Variants in CAMTA1 observed in about 807,000 individuals in gnomAD.
The protein encoded by CAMTA1 is calmodulin binding transcription activator 1.
A neutral mutation model predicts 170.9 loss-of-function variants in CAMTA1; 27 were observed. The ratio of observed to expected loss-of-function variants is 0.16; its 90% CI spans 0.12 to 0.22. CAMTA1 has a LOEUF of 0.22. Among genes scored for constraint, CAMTA1 ranks in the 10% least tolerant of loss-of-function variants. The pLI is 1.00. For missense variants in CAMTA1, 1,619 were observed against 2,217.2 expected (o/e 0.73, Z 5.42); for synonymous variants, 833 against 891.5 (o/e 0.93, Z 1.17).
chr1:7,164,074 C>T (rs538723480), intron 4 of CAMTA1, among the ~76,000 whole-genome samples: 3 of 152,302 alleles, frequency 2.0e-5, no homozygotes, highest in Non-Finnish European at 4.4e-5. Flanking sequence ...GCCAGGATAG[C>T]AGTTAGCTGA....
Position 7,602,011 on chromosome 1 carries a change from AGAGGGAGAG to A in CAMTA1, c.511-38369_511-38361del, listed in dbSNP as rs1203360287. ...CGTGGGGAGAGGGAGAGGGAGAGGG[AGAGGGAGAG>A]GAGGGAGAGGAGGGAGAGGGAGAGG... is the stretch of plus-strand genomic sequence containing the variant. On this transcript the variant is annotated intron_variant, in intron 6 of 22. Transcript: ENST00000303635. Among the ~76,000 whole-genome samples, 171 of 124,416 alleles carry A rather than the reference AGAGGGAGAG, an allele frequency of 1.4e-3. 3 individuals are homozygous for A. The highest frequency in any genetic ancestry group is 4.7e-3 in the African/African-American group (133 of 28,366). The allele number at this position is 124,416 out of a possible 152,430, so 81.6% of individuals were successfully genotyped here.
chr1:6,842,394 G>T (rs571260848), intron 3 of CAMTA1, among the ~76,000 whole-genome samples: 1 of 152,196 alleles, frequency 6.6e-6, no homozygotes, highest in African/African-American at 2.4e-5. Context: ...TGGGTGGTTC[G>T]CAGCCCTGCT....
intron 3 of CAMTA1, among the ~76,000 whole-genome samples, chr1:6,920,833 A>G (rs1681843632): frequency 6.6e-6 from 1 of 152,180 alleles, no homozygotes; most frequent in Non-Finnish European, 1.5e-5. Flanking sequence ...ACTGGGACAT[A>G]GGGCACCAAG....
At chr1:6,847,481 A>T (rs1449523689) in intron 3 of CAMTA1, among the ~76,000 whole-genome samples, 2 of 151,968 alleles carry the variant, frequency 1.3e-5, no homozygotes, top group Admixed American at 1.3e-4. Context: ...TGGATGAGTT[A>T]AGGTTAGAGA....
intron 5 of CAMTA1, among the ~76,000 whole-genome samples, chr1:7,452,613 A>G (rs867256101): frequency 6.6e-6 from 1 of 152,182 alleles, no homozygotes. Context: ...TAGGAATGGA[A>G]TCATACAATG....
At chr1:7,380,606 T>C (rs2087220726) in intron 5 of CAMTA1, among the ~76,000 whole-genome samples, 1 of 152,138 alleles carries the variant, frequency 6.6e-6, no homozygotes, top group African/African-American at 2.4e-5. Flanking sequence ...GGTTGCCCAG[T>C]TGGATCAGAT....
intron 3 of CAMTA1, among the ~76,000 whole-genome samples, chr1:6,953,220 C>T (rs977889673): frequency 2.6e-5 from 4 of 152,140 alleles, no homozygotes; most frequent in Admixed American, 6.5e-5. Context: ...AGATTCCATT[C>T]GTGGAGCCGA....
At chr1:7,749,880 A>G (rs1350422978) in intron 19 of CAMTA1, 2 of 451,672 alleles carry the variant, frequency 4.4e-6, no homozygotes, top group Non-Finnish European at 8.9e-6. Flanking sequence ...GGCCATTAAG[A>G]TGGCACAGTC....
intron 4 of CAMTA1, among the ~76,000 whole-genome samples, chr1:7,094,776 G>A (rs925701515): frequency 1.3e-5 from 2 of 152,166 alleles, no homozygotes; most frequent in Non-Finnish European, 2.9e-5. Flanking sequence ...CGTTCAAACA[G>A]CCCGTATTGT....
chr1:7,457,357 C>T (rs1044564267), intron 5 of CAMTA1, among the ~76,000 whole-genome samples: 10 of 151,984 alleles, frequency 6.6e-5, no homozygotes, highest in African/African-American at 1.5e-4. Flanking sequence ...GTTAGGCCGG[C>T]GGCCGCTTTA....
chr1:7,125,308 A>C (rs1419655479), intron 4 of CAMTA1, among the ~76,000 whole-genome samples: 1 of 151,256 alleles, frequency 6.6e-6, no homozygotes, highest in East Asian at 1.9e-4. Context: ...TCATTCACTC[A>C]CTCCCTCATT....
At chr1:7,001,568 T>G (rs996637835) in intron 3 of CAMTA1, among the ~76,000 whole-genome samples, 2 of 152,224 alleles carry the variant, frequency 1.3e-5, no homozygotes, top group African/African-American at 4.8e-5. Context: ...CATGAGGGCG[T>G]TTCTGATATT....
intron 4 of CAMTA1, among the ~76,000 whole-genome samples, chr1:7,169,431 T>A (rs1388773624): frequency 2.6e-5 from 4 of 152,240 alleles, no homozygotes; most frequent in Admixed American, 1.3e-4. Context: ...CTTTTTTGTG[T>A]GTTTACAAGA....
intron 4 of CAMTA1, among the ~76,000 whole-genome samples, chr1:7,094,095 A>G (rs1641789535): frequency 6.6e-6 from 1 of 152,186 alleles, no homozygotes; most frequent in East Asian, 1.9e-4. Context: ...GGAAGGACGA[A>G]TTTCTTTCCT....
At chr1:7,657,578 G>T (rs1427186032) in intron 7 of CAMTA1, among the ~76,000 whole-genome samples, 1 of 152,178 alleles carries the variant, frequency 6.6e-6, no homozygotes, top group East Asian at 1.9e-4. Flanking sequence ...AGGGGCCGAG[G>T]GGGCGGCCGG....
intron 11 of CAMTA1, among the ~76,000 whole-genome samples, chr1:7,727,011 G>T (rs1351353245): frequency 6.6e-6 from 1 of 152,136 alleles, no homozygotes; most frequent in African/African-American, 2.4e-5. Flanking sequence ...AGCCCTCAAA[G>T]CTCACCCTGT....
chr1:7,736,562 C>T lies in CAMTA1; in HGVS notation c.3263+22C>T, dbSNP rs2096773877. 1 of 1,610,592 alleles carries T rather than the reference C, an allele frequency of 6.2e-7. No individual in the cohort carries two copies. The highest frequency in any genetic ancestry group is 8.5e-7 in the Non-Finnish European group (1 of 1,177,148). The stretch of plus-strand genomic sequence containing the variant: ...GGCGGTAAGGCTGTGGTGCAGCTGG[C>T]TGGGGGTCAGCCTCGCACATCCTCG... On this transcript the variant is annotated intron_variant, in intron 13 of 22. Transcript: ENST00000303635. This position sits in a 1 kb window ranked among gnomAD's most constrained non-coding sequence, Gnocchi z 4.5.
At chr1:7,372,523 C>T (rs1448478305) in intron 5 of CAMTA1, among the ~76,000 whole-genome samples, 3 of 152,218 alleles carry the variant, frequency 2.0e-5, no homozygotes, top group Non-Finnish European at 2.9e-5. Context: ...TGAGCAGCTG[C>T]GGACGTAGTG....
intron 5 of CAMTA1, among the ~76,000 whole-genome samples, chr1:7,412,972 A>T (rs536822801): frequency 6.6e-6 from 1 of 152,218 alleles, no homozygotes; most frequent in Non-Finnish European, 1.5e-5. Context: ...CTTTCTACAT[A>T]TGGCTAGCCA....
Sources: gnomAD v4.1 joint callset for allele counts (sites outside exome capture counted in the v4.1 genomes callset) on GRCh38, gnomAD v4.1.1 for gene constraint, Gnocchi (gnomAD v3.1) non-coding constraint, MANE v1.5 for transcripts, NCBI Gene and HGNC (gene_info 2026-07-23, HGNC 2026-07-21) for gene names.